Variants in SMOC2 observed in about 807,000 individuals in gnomAD.
SMOC2 encodes the protein SPARC related modular calcium binding 2.
A neutral mutation model predicts 61.4 loss-of-function variants in SMOC2; 39 were observed. The observed-to-expected ratio is 0.64, with a 90% confidence interval of 0.49 to 0.83. The LOEUF (loss-of-function observed/expected upper bound fraction) is 0.83, where lower values mean the gene tolerates loss of function less well. Ranked by LOEUF, SMOC2 falls within the 40% of genes least tolerant of loss-of-function variation. The pLI, the probability that SMOC2 is intolerant of heterozygous loss-of-function variation, is 0.00. For synonymous variants in SMOC2, 247 were observed against 239.9 expected (o/e 1.03, Z -0.27); for missense variants, 556 against 592.9 (o/e 0.94, Z 0.65).
At chr6:168,633,372 G>A (rs532171840) in intron 9 of SMOC2, among the ~76,000 whole-genome samples, 6 of 152,236 alleles carry the variant, frequency 3.9e-5, no homozygotes, top group East Asian at 1.9e-4. Context: ...CAAGATATGC[G>A]GGAGGGGAGC....
At chr6:168,616,754 A>C (rs1229270190) in intron 9 of SMOC2, among the ~76,000 whole-genome samples, 1 of 152,230 alleles carries the variant, frequency 6.6e-6, no homozygotes, top group Non-Finnish European at 1.5e-5. Context: ...CAGAAAAACC[A>C]CACATATAAT....
At chr6:168,557,059 G>T (rs576705609) in intron 7 of SMOC2, among the ~76,000 whole-genome samples, 1 of 152,084 alleles carries the variant, frequency 6.6e-6, no homozygotes, top group South Asian at 2.1e-4. Context: ...TAAAATTAGT[G>T]CCAAAAGATA....
intron 4 of SMOC2, among the ~76,000 whole-genome samples, chr6:168,539,465 G>A (rs1030048983): frequency 1.3e-5 from 2 of 152,162 alleles, no homozygotes; most frequent in African/African-American, 4.8e-5. Flanking sequence ...GTTCATAAGT[G>A]GGAAGGGTCC....
At chr6:168,480,818 A>G (rs1314092683) in intron 1 of SMOC2, among the ~76,000 whole-genome samples, 2 of 152,216 alleles carry the variant, frequency 1.3e-5, no homozygotes, top group Non-Finnish European at 2.9e-5. Context: ...AAGCAGAAAG[A>G]GAGAAGTAGC....
intron 9 of SMOC2, among the ~76,000 whole-genome samples, chr6:168,617,587 C>T (rs1446964545): frequency 1.3e-5 from 2 of 152,210 alleles, no homozygotes; most frequent in African/African-American, 4.8e-5. Context: ...CAAGTCCTGT[C>T]TCTGCTCCAA....
chr6:168,483,031 A>G (rs530646426), intron 1 of SMOC2, among the ~76,000 whole-genome samples: 9 of 152,216 alleles, frequency 5.9e-5, no homozygotes, highest in African/African-American at 1.7e-4. Flanking sequence ...ACTATTTAAC[A>G]TAGTACTGAA....
chr6:168,636,974 T>TCTTTCCTCCCTCCTCCCTCC (rs1786755130), intron 9 of SMOC2, among the ~76,000 whole-genome samples: 1 of 125,038 alleles, frequency 8.0e-6, no homozygotes, highest in African/African-American at 3.2e-5. Context: ...TCCTCCCTCC[T>TCTTTCCTCCCTCCTCCCTCC]GCTTTCCTCC....
In SMOC2 at chr6:168,553,685, G is replaced by A. The variant is rs1036562382; in HGVS notation, c.637+4482G>A. Among the ~76,000 whole-genome samples the A allele has an allele frequency of 3.9e-5, 6 of 152,180 alleles. No homozygotes were observed. Among genetic ancestry groups the A allele is most frequent in the African/African-American group, 1.4e-4 (6 of 41,446 alleles). ...CCTCTAGACAGAAAAGCATATGATC[G>A]TGGCATGTCAAAGCCAAGGAGGGCT... is the stretch of plus-strand genomic sequence containing the variant. On this transcript the variant is annotated intron_variant, in intron 7 of 12. Coordinates refer to ENST00000356284, the MANE Select transcript of SMOC2 (RefSeq NM_001166412.2). This position sits in a 1 kb window ranked among gnomAD's most constrained non-coding sequence, Gnocchi z 4.2.
chr6:168,633,181 C>T (rs545295643), intron 9 of SMOC2, among the ~76,000 whole-genome samples: 26 of 152,316 alleles, frequency 1.7e-4, no homozygotes, highest in Admixed American at 1.0e-3. Flanking sequence ...AAATAAACTT[C>T]GGAAAATTTG....
chr6:168,653,367 C>T lies in SMOC2; in HGVS notation c.1285+139C>T, dbSNP rs62423404. 0.14 allele frequency: 138,227 copies of T among 983,242 alleles called. 11,709 individuals are homozygous for T. Among genetic ancestry groups the T allele is most frequent in the Non-Finnish European group, 0.17 (112,177 of 668,722 alleles). The allele number at this position is 983,242 out of a possible 1,614,324, so 60.9% of individuals were successfully genotyped here. On this transcript the variant is annotated intron_variant, in intron 11 of 12. Coordinates refer to ENST00000356284, the MANE Select transcript of SMOC2 (RefSeq NM_001166412.2). ...TCAAATATGCTGTTTAATTGTTGGG[C>T]GTCTGTTTGCAGAAATAATAATGAT...
At chr6:168,482,991 A>G (rs1180344438) in intron 1 of SMOC2, among the ~76,000 whole-genome samples, 1 of 152,138 alleles carries the variant, frequency 6.6e-6, no homozygotes, top group Non-Finnish European at 1.5e-5. Flanking sequence ...TAAGATCAGG[A>G]GTAAGGCAAG....
chr6:168,519,956 T>C (rs1044796811), intron 2 of SMOC2, among the ~76,000 whole-genome samples: 6 of 152,160 alleles, frequency 3.9e-5, no homozygotes, highest in Non-Finnish European at 8.8e-5. Flanking sequence ...TAATTTTGTT[T>C]CTGCCTTTAT....
At chr6:168,588,716 T>C (rs1583136071) in intron 7 of SMOC2, among the ~76,000 whole-genome samples, 1 of 152,224 alleles carries the variant, frequency 6.6e-6, no homozygotes, top group Non-Finnish European at 1.5e-5. Flanking sequence ...TTTTGCACTG[T>C]GCAACCTGCC....
chr6:168,445,549 G>A (rs766200881), intron 1 of SMOC2, among the ~76,000 whole-genome samples: 12 of 152,160 alleles, frequency 7.9e-5, no homozygotes, highest in Non-Finnish European at 1.8e-4. Flanking sequence ...AGCAGTTGTG[G>A]TTTGGAATGC....
chr6:168,615,326 C>T (rs201048497), intron 9 of SMOC2, among the ~76,000 whole-genome samples: 1 of 66,850 alleles, frequency 1.5e-5, no homozygotes. Flanking sequence ...CCTCTTCACA[C>T]CTACAGCCAG....
intron 11 of SMOC2, among the ~76,000 whole-genome samples, chr6:168,656,159 T>C (rs1187512321): frequency 6.6e-6 from 1 of 152,110 alleles, no homozygotes; most frequent in African/African-American, 2.4e-5. Context: ...CGATAACAAA[T>C]GTGGAAGAGA....
At chr6:168,632,220 A>G (rs896932268) in intron 9 of SMOC2, among the ~76,000 whole-genome samples, 1 of 152,224 alleles carries the variant, frequency 6.6e-6, no homozygotes, top group Non-Finnish European at 1.5e-5. Flanking sequence ...CAGGAACATC[A>G]GAAGTGACAT....
In SMOC2 at chr6:168,527,630, C is replaced by A; in HGVS notation, c.366C>A (p.Val122=). The A allele has an allele frequency of 6.5e-7, 1 of 1,550,164 alleles. No individual in the cohort carries two copies. The highest frequency in any genetic ancestry group is 8.7e-7 in the Non-Finnish European group (1 of 1,146,682). The change falls in exon 4 of 13, where the codon GTC becomes GTA. Residue 122 remains valine, a splice_region_variant and synonymous_variant. Coordinates refer to ENST00000356284, the MANE Select transcript of SMOC2 (RefSeq NM_001166412.2). The part of the protein sequence containing the change: ...ECNDDGTYSQ[V]QCHSYTGYCW... ...ACCCGTCCTGTGCTCTCTCGCAGGT[C>A]CAGTGTCACAGCTACACGGGATACT...
intron 7 of SMOC2, among the ~76,000 whole-genome samples, chr6:168,590,651 C>T (rs74333798): frequency 0.21 from 32,100 of 151,830 alleles, 3,767 homozygotes; most frequent in South Asian, 0.28. Context: ...AATATGGAGA[C>T]TTCATTTTTA....
Sources: allele counts gnomAD v4.1 joint callset (sites outside exome capture counted in the v4.1 genomes callset), GRCh38; gene constraint gnomAD v4.1.1; non-coding constraint Gnocchi (gnomAD v3.1); transcripts MANE v1.5; gene names NCBI Gene and HGNC (gene_info 2026-07-23, HGNC 2026-07-21).